LRP5: variants seen among roughly 807,000 people sequenced by gnomAD.
The protein encoded by LRP5 is LDL receptor related protein 5.
LRP5 carries 62 observed loss-of-function variants against 154.1 expected under a neutral mutation model. That is an observed-to-expected ratio of 0.40 (90% CI 0.33 to 0.50). The LOEUF is 0.50. LRP5 is among the 20% of genes least tolerant of loss of function. LRP5 has a pLI of 0.55. For missense variants in LRP5, 1,915 were observed against 2,336.7 expected, an observed-to-expected ratio of 0.82 and a Z score of 3.72; for synonymous variants, 966 against 1,011.5, an observed-to-expected ratio of 0.96 and a Z score of 0.85.
At chr11:68,424,767 C>T (rs938662002) in intron 14 of LRP5, among the ~76,000 whole-genome samples, 1 of 152,228 alleles carries the variant, frequency 6.6e-6, no homozygotes. Flanking sequence ...CCTGTCACTC[C>T]AGTCTCTCTG....
Position 68,327,636 on chromosome 11 carries a change from G to A in LRP5, c.91+14831G>A, listed in dbSNP as rs574390705. Among the ~76,000 whole-genome samples the A allele has an allele frequency of 3.9e-5, 6 of 152,198 alleles. No individual in the cohort carries two copies. In the East Asian group the frequency reaches 1.2e-3, roughly 29 times the overall value. ...TCCCCATCTGTAAAATGGGGTGACA[G>A]TAGTTCCACCTCCTATGAGGACTGA... On this transcript the variant is annotated intron_variant, in intron 1 of 22. Coordinates refer to ENST00000294304, the MANE Select transcript of LRP5 (RefSeq NM_002335.4).
intron 3 of LRP5, among the ~76,000 whole-genome samples, chr11:68,363,297 G>A (rs999269066): frequency 1.1e-4 from 17 of 152,174 alleles, no homozygotes; most frequent in South Asian, 8.3e-4. Context: ...CCCTGTGCAC[G>A]CCGGGAGAAA....
intron 7 of LRP5, among the ~76,000 whole-genome samples, chr11:68,391,977 G>A (rs1274101261): frequency 1.3e-5 from 2 of 152,138 alleles, no homozygotes; most frequent in Non-Finnish European, 2.9e-5. Flanking sequence ...GAGTAGCTGG[G>A]ACTACAGACA....
chr11:68,403,828 G>T, intron 8 of LRP5, 129 bp downstream of exon 8: 7 of 1,105,750 alleles, frequency 6.3e-6, no homozygotes, highest in Non-Finnish European at 7.9e-6. Flanking sequence ...GGACAGGAAA[G>T]GTGACAGTAT....
intron 5 of LRP5, among the ~76,000 whole-genome samples, chr11:68,369,126 C>T (rs867271625): frequency 2.0e-5 from 3 of 152,240 alleles, no homozygotes; most frequent in Admixed American, 6.5e-5. Context: ...GCATGAGCCA[C>T]TGTGCCTGGC....
intron 1 of LRP5, among the ~76,000 whole-genome samples, chr11:68,337,174 A>G (rs1332960110): frequency 2.0e-5 from 3 of 152,252 alleles, no homozygotes; most frequent in African/African-American, 4.8e-5. Context: ...TCCGCCAGGC[A>G]TCAGGGCAGA....
At chr11:68,375,582 G>C (rs372670344) in intron 5 of LRP5, among the ~76,000 whole-genome samples, 2 of 152,334 alleles carry the variant, frequency 1.3e-5, no homozygotes, top group East Asian at 3.9e-4. Context: ...AGTGTGGCAG[G>C]TGCACCAGGC....
chr11:68,439,911 C>T lies in LRP5; in HGVS notation c.4483C>T (p.Pro1495Ser). The change falls in exon 21 of 23, where the codon CCG (proline) becomes TCG (serine). Residue 1495 changes from proline to serine, a missense_variant. Around this residue, in one of 3 missense-constraint regions of LRP5, gnomAD observed 1,094 missense variants for 1,210.1 expected, o/e 0.90. Transcript: ENST00000294304. The stretch of plus-strand genomic sequence containing the variant: ...GTCCAGCACGAAGGCCACGCTGTAC[C>T]CGCCGGTGAGGGGCGGGGCCGGGGA... Reference protein sequence around the residue: ...SSSSTKATLYPPILNPPPSPA... With the variant: ...SSSSTKATLYSPILNPPPSPA... The T allele has an allele frequency of 6.4e-7, 1 of 1,553,776 alleles. No homozygotes were observed. The highest frequency in any genetic ancestry group is 8.7e-7 in the Non-Finnish European group (1 of 1,150,904).
At chr11:68,391,474 G>A (rs532816748) in intron 7 of LRP5, among the ~76,000 whole-genome samples, 1 of 152,276 alleles carries the variant, frequency 6.6e-6, no homozygotes. Context: ...CTCTCCTCAG[G>A]GCTCCCAGGG....
chr11:68,355,073 A>G (rs2098622042), intron 2 of LRP5, among the ~76,000 whole-genome samples: 2 of 152,226 alleles, frequency 1.3e-5, no homozygotes, highest in Non-Finnish European at 2.9e-5. Context: ...GTACTCGCTC[A>G]GGAACGATAC....
chr11:68,399,709 T>C (rs773161933), intron 7 of LRP5, among the ~76,000 whole-genome samples: 4 of 152,206 alleles, frequency 2.6e-5, no homozygotes, highest in African/African-American at 9.6e-5. Context: ...CTTGGAAATA[T>C]CTGGCTCCAG....
At chr11:68,319,082 T>G (rs1012402563) in intron 1 of LRP5, among the ~76,000 whole-genome samples, 8 of 148,860 alleles carry the variant, frequency 5.4e-5, no homozygotes, top group African/African-American at 2.0e-4. Context: ...GTTTTTTTTT[T>G]TTTTTTTTTT....
chr11:68,327,436 G>A (rs1211331334), intron 1 of LRP5, among the ~76,000 whole-genome samples: 3 of 152,336 alleles, frequency 2.0e-5, no homozygotes, highest in Middle Eastern at 3.4e-3. Flanking sequence ...CACTGGCTGC[G>A]GCTCCTGTGC....
In LRP5 at chr11:68,410,007, G is replaced by A; in HGVS notation, c.2185G>A (p.Gly729Ser). Reference protein sequence around the residue: ...YPEGMAVDWMGKNLYWADTGT... With the variant: ...YPEGMAVDWMSKNLYWADTGT... ...CGAGGGCATGGCCGTTGACTGGATG[G>A]GCAAGAACCTCTACTGGGCCGACAC... Residue 729 changes from glycine to serine, a missense_variant, in exon 10 of 23, where the codon GGC becomes AGC. Physicochemically the swap from Gly to Ser is moderately conservative, Grantham distance 56. This residue lies in a region of LRP5 where 773 missense variants were observed against 1,100.9 expected (regional missense o/e 0.70). Coordinates refer to ENST00000294304, the MANE Select transcript of LRP5 (RefSeq NM_002335.4). 2 of 1,614,106 alleles carry A rather than the reference G, an allele frequency of 1.2e-6. No individual in the cohort carries two copies. The highest frequency in any genetic ancestry group is 8.5e-7 in the Non-Finnish European group (1 of 1,179,976).
chr11:68,440,206 G>A (rs933016839), intron 21 of LRP5, among the ~76,000 whole-genome samples: 3 of 152,206 alleles, frequency 2.0e-5, no homozygotes, highest in Non-Finnish European at 4.4e-5. Flanking sequence ...TCTGTGTTCC[G>A]CACGGCCCAG....
intron 7 of LRP5, among the ~76,000 whole-genome samples, chr11:68,391,847 C>G (rs2098646514): frequency 6.6e-6 from 1 of 152,186 alleles, no homozygotes; most frequent in Admixed American, 6.5e-5. Flanking sequence ...ACTGTCTCAG[C>G]AGTGGTTTTC....
intron 1 of LRP5, among the ~76,000 whole-genome samples, chr11:68,316,999 G>T (rs529140438): frequency 6.6e-6 from 1 of 152,378 alleles, no homozygotes; most frequent in Admixed American, 6.5e-5. Context: ...GCTACATCCA[G>T]GTCCTCGGCT....
In LRP5 at chr11:68,312,754, CT is replaced by C; in HGVS notation, c.41del (p.Leu14ArgfsTer69). 1 of 1,055,206 alleles carries C rather than the reference CT, an allele frequency of 9.5e-7. No individual in the cohort carries two copies. Among genetic ancestry groups the C allele is most frequent in the Non-Finnish European group, 1.2e-6 (1 of 861,644 alleles). The allele number at this position is 1,055,206 out of a possible 1,614,324, so 65.4% of individuals were successfully genotyped here. A position where few individuals can be genotyped will look rare whatever the true frequency, so the allele number is the denominator to read the frequency against. ...GCCCGGGCCGCCGTGGCCGCTGCTG[CT>C]GCTGCTGCTGCTGCTGCTGGCGCTG... ...APPGPPWPLL[L>X]LLLLLLALCG... On this transcript the variant is annotated frameshift_variant, in exon 1 of 23. Coordinates refer to ENST00000294304, the MANE Select transcript of LRP5 (RefSeq NM_002335.4). LOFTEE classifies it high-confidence loss of function.
intron 1 of LRP5, among the ~76,000 whole-genome samples, chr11:68,318,462 G>T (rs186092600): frequency 6.6e-6 from 1 of 150,914 alleles, no homozygotes; most frequent in Non-Finnish European, 1.5e-5. Flanking sequence ...ACCTCAGCCC[G>T]CAAGTAGTTG....
Sources: gnomAD v4.1 joint callset for allele counts (sites outside exome capture counted in the v4.1 genomes callset) on GRCh38, gnomAD v4.1.1 for gene constraint, gnomAD v4.1.1 regional missense constraint, MANE v1.5 for transcripts, NCBI Gene and HGNC (gene_info 2026-07-23, HGNC 2026-07-21) for gene names.